FRS2: variants seen among roughly 807,000 people sequenced by gnomAD.
The protein encoded by FRS2 is fibroblast growth factor receptor substrate 2, also known as FGFR signalling adaptor.
Under a neutral mutation model 43.9 loss-of-function variants are expected in FRS2, and 8 were observed. The ratio of observed to expected loss-of-function variants is 0.18; its 90% CI spans 0.11 to 0.33. The LOEUF is 0.33. Among genes scored for constraint, FRS2 ranks in the 10% least tolerant of loss-of-function variants. The pLI, the probability that FRS2 is intolerant of heterozygous loss-of-function variation, is 1.00. For missense variants in FRS2, 534 were observed against 627.6 expected (o/e 0.85, Z 1.59); for synonymous variants, 219 against 220.3 (o/e 0.99, Z 0.05).
chr12:69,546,489 C>A (rs142565786), intron 3 of FRS2, among the ~76,000 whole-genome samples: 1 of 152,106 alleles, frequency 6.6e-6, no homozygotes, highest in African/African-American at 2.4e-5. Context: ...AACTCCTGGC[C>A]TCAAGTGATC....
intron 1 of FRS2, among the ~76,000 whole-genome samples, chr12:69,478,940 A>G (rs1871104182): frequency 6.6e-6 from 1 of 151,202 alleles, no homozygotes; most frequent in Non-Finnish European, 1.5e-5. Flanking sequence ...TTAATTTTAT[A>G]TGAATGTCTT....
At position 69,562,209 on chromosome 12, in the gene FRS2, A is replaced by T. The variant is rs1254957263; in HGVS notation, c.-92A>T. ...AATCAGCAAACAAAGAAAACATGGT[A>T]TTTTGAAATATGATTAAACTCCTGA... On this transcript the variant is annotated 5_prime_UTR_variant, in exon 4 of 9. Coordinates refer to ENST00000549921, the MANE Select transcript of FRS2 (RefSeq NM_001278356.2). 1.0e-5 allele frequency: 4 copies of T among 398,162 alleles called. No homozygotes were observed. In the East Asian group the frequency reaches 1.4e-4, roughly 14 times the overall value. 24.7% of individuals were successfully genotyped at this position (398,162 alleles called of 1,614,324 possible).
intron 1 of FRS2, among the ~76,000 whole-genome samples, chr12:69,526,001 A>C (rs977909168): frequency 1.3e-5 from 2 of 152,112 alleles, no homozygotes; most frequent in African/African-American, 4.8e-5. Context: ...CTAGGATTAC[A>C]GGCATGCACC....
At chr12:69,506,542 G>C (rs1181044619) in intron 1 of FRS2, among the ~76,000 whole-genome samples, 1 of 151,952 alleles carries the variant, frequency 6.6e-6, no homozygotes, top group African/African-American at 2.4e-5. Context: ...AAAATCCAGA[G>C]AGAGAGAGTA....
At chr12:69,526,864 C>A (rs1424543855) in intron 1 of FRS2, among the ~76,000 whole-genome samples, 1 of 152,042 alleles carries the variant, frequency 6.6e-6, no homozygotes, top group Non-Finnish European at 1.5e-5. Flanking sequence ...GATGGGACTA[C>A]AGGCGCGTGC....
At chr12:69,555,681 G>C (rs1341480560) in intron 3 of FRS2, among the ~76,000 whole-genome samples, 2 of 152,144 alleles carry the variant, frequency 1.3e-5, no homozygotes, top group Non-Finnish European at 2.9e-5. Context: ...GATGACTGTG[G>C]CACTTGAGTG....
At chr12:69,562,818 T>C (rs1306794733) in intron 4 of FRS2, among the ~76,000 whole-genome samples, 1 of 152,060 alleles carries the variant, frequency 6.6e-6, no homozygotes, top group Non-Finnish European at 1.5e-5. Context: ...ACCTCCCAAG[T>C]AGCTGGGACT....
At chr12:69,528,338 A>G (rs1876462267) in intron 1 of FRS2, among the ~76,000 whole-genome samples, 1 of 152,236 alleles carries the variant, frequency 6.6e-6, no homozygotes, top group Admixed American at 6.5e-5. Context: ...TGATATCTAA[A>G]GGTAACAGAT....
At chr12:69,526,706 A>G (rs985084079) in intron 1 of FRS2, among the ~76,000 whole-genome samples, 3 of 152,044 alleles carry the variant, frequency 2.0e-5, no homozygotes, top group African/African-American at 4.8e-5. Context: ...AATATTTCAG[A>G]TAGTCAGAAA....
intron 1 of FRS2, among the ~76,000 whole-genome samples, chr12:69,482,143 G>A (rs1369525123): frequency 3.3e-5 from 5 of 152,068 alleles, no homozygotes; most frequent in Admixed American, 2.6e-4. Flanking sequence ...TGTAGAAGAG[G>A]TTTTTGATAC....
At chr12:69,492,032 AG>A (rs1446842737) in intron 1 of FRS2, among the ~76,000 whole-genome samples, 13 of 152,198 alleles carry the variant, frequency 8.5e-5, no homozygotes, top group Non-Finnish European at 1.6e-4. Context: ...GTTTATAATT[AG>A]ATTTATTTTC....
intron 7 of FRS2, among the ~76,000 whole-genome samples, chr12:69,571,721 G>A (rs747756822): frequency 2.0e-5 from 3 of 152,016 alleles, no homozygotes; most frequent in Non-Finnish European, 4.4e-5. Flanking sequence ...AAAATTAGCC[G>A]GGCGTGGTGG....
At chr12:69,564,781 A>G (rs948210031) in intron 4 of FRS2, among the ~76,000 whole-genome samples, 14 of 152,330 alleles carry the variant, frequency 9.2e-5, no homozygotes, top group African/African-American at 3.4e-4. Context: ...TTTATTTAAA[A>G]TGCACTTCTG....
chr12:69,477,313 C>A (rs1354344472), intron 1 of FRS2, among the ~76,000 whole-genome samples: 1 of 132,354 alleles, frequency 7.6e-6, no homozygotes, highest in Non-Finnish European at 1.5e-5. Context: ...CGGAGTCTCG[C>A]TGTGTCCCCC....
rs1881285819 is a variant in FRS2, at chr12:69,577,747, T to TCC, written c.*2794_*2795dup. On this transcript the variant is annotated 3_prime_UTR_variant, in exon 9 of 9. Transcript: ENST00000549921. ...AAAAATGAAAATATGGTGCCTTCCC[T>TCC]CCCTCCAGGAAGACTGGCAAATATT... 1 of 152,636 alleles carries TCC rather than the reference T, an allele frequency of 6.6e-6. No individual in the cohort carries two copies. Among genetic ancestry groups the TCC allele is most frequent in the South Asian group, 2.1e-4 (1 of 4,836 alleles). 9.5% of individuals were successfully genotyped at this position (152,636 alleles called of 1,614,324 possible).
At chr12:69,514,547 G>A (rs992470616) in intron 1 of FRS2, among the ~76,000 whole-genome samples, 5 of 152,028 alleles carry the variant, frequency 3.3e-5, no homozygotes, top group Non-Finnish European at 7.4e-5. Context: ...TAAGACGGGA[G>A]GATGGCCAGA....
rs1881364039 is a variant in FRS2, at chr12:69,578,839, A to G, written c.*3884A>G. The G allele has an allele frequency of 6.6e-6, 1 of 152,606 alleles. No homozygotes were observed. The highest frequency in any genetic ancestry group is 1.5e-5 in the Non-Finnish European group (1 of 68,018). The allele number at this position is 152,606 out of a possible 1,614,324, so 9.5% of individuals were successfully genotyped here. On this transcript the variant is annotated 3_prime_UTR_variant, in exon 9 of 9. Coordinates refer to ENST00000549921, the MANE Select transcript of FRS2 (RefSeq NM_001278356.2). ...TTTTTCTTTTATAAAAAATTGTCCAACAGTGGGACTACCATTGCCAAATTG... is the reference window on the plus strand; with the variant it reads ...TTTTTCTTTTATAAAAAATTGTCCAGCAGTGGGACTACCATTGCCAAATTG...
intron 1 of FRS2, among the ~76,000 whole-genome samples, chr12:69,516,335 C>T (rs770085683): frequency 9.2e-5 from 14 of 152,012 alleles, no homozygotes; most frequent in Admixed American, 6.6e-5. Flanking sequence ...TCTCCCGCCT[C>T]AGCCTCCGGA....
At position 69,569,792 on chromosome 12, in the gene FRS2, C is replaced by T. The variant is rs533956338; in HGVS notation, c.67-539C>T. Among the ~76,000 whole-genome samples the T allele has an allele frequency of 3.3e-5, 5 of 152,310 alleles. No individual in the cohort carries two copies. The South Asian group carries it at 1.0e-3, about 32-fold the overall frequency. Reference sequence around the variant, plus strand: ...AATAGTAACTTCTCCCTAAATGTTACCTACTGCTCTTAGTCTTTGGATGTT... The same window carrying T: ...AATAGTAACTTCTCCCTAAATGTTATCTACTGCTCTTAGTCTTTGGATGTT... On this transcript the variant is annotated intron_variant, in intron 5 of 8. Coordinates refer to ENST00000549921, the MANE Select transcript of FRS2 (RefSeq NM_001278356.2).
Sources: gnomAD v4.1 joint callset for allele counts (sites outside exome capture counted in the v4.1 genomes callset) on GRCh38, gnomAD v4.1.1 for gene constraint, MANE v1.5 for transcripts, NCBI Gene and HGNC (gene_info 2026-07-23, HGNC 2026-07-21) for gene names.